LSMEM1: variants seen among roughly 807,000 people sequenced by gnomAD.
The protein encoded by LSMEM1 is leucine rich single-pass membrane protein 1, also known as leucine-rich single-pass membrane protein 1.
Under a neutral mutation model 11.3 loss-of-function variants are expected in LSMEM1, and 10 were observed. That is an observed-to-expected ratio of 0.89 (90% CI 0.55 to 1.50). The LOEUF (loss-of-function observed/expected upper bound fraction) is 1.50. Ranked by LOEUF, LSMEM1 falls within the 40% of genes most tolerant of loss-of-function variation. The pLI is 0.00. For missense variants in LSMEM1, 151 were observed against 152.9 expected, an observed-to-expected ratio of 0.99 and a Z score of 0.06; for synonymous variants, 65 against 59.3, an observed-to-expected ratio of 1.10 and a Z score of -0.44.
chr7:112,487,090 G>A (rs556051251), intron 3 of LSMEM1, 39 bp downstream of exon 3: 5 of 1,603,958 alleles, frequency 3.1e-6, no homozygotes, highest in Non-Finnish European at 4.3e-6. Context: ...TTACTTGTAT[G>A]CATTTATTCA....
chr7:112,490,073 C>A lies in LSMEM1; in HGVS notation c.*124C>A, dbSNP rs10225870. The A allele has an allele frequency of 0.12, 131,999 of 1,081,162 alleles. 9,810 individuals are homozygous for A. The highest frequency in any genetic ancestry group is 0.32 in the African/African-American group (20,658 of 63,784). The allele number at this position is 1,081,162 out of a possible 1,614,324, so 67.0% of individuals were successfully genotyped here. ...ACAGATGATCTGGTCAGGCAACCCA[C>A]CCCTGGGGCCCACTTTCTGCAGCAA... On this transcript the variant is annotated 3_prime_UTR_variant, in exon 4 of 4. Coordinates refer to ENST00000312849, the MANE Select transcript of LSMEM1 (RefSeq NM_182597.3).
At chr7:112,488,526 C>T (rs1796180474) in intron 3 of LSMEM1, among the ~76,000 whole-genome samples, 1 of 152,182 alleles carries the variant, frequency 6.6e-6, no homozygotes, top group Non-Finnish European at 1.5e-5. Flanking sequence ...GTCCCAGACA[C>T]TGTGCTAAGC....
chr7:112,486,787 G>A (rs1039979318), intron 2 of LSMEM1, 136 bp from the exon 3 acceptor site: 37 of 1,244,034 alleles, frequency 3.0e-5, no homozygotes, highest in Non-Finnish European at 3.8e-5. Context: ...AAAAAAAAGA[G>A]TCACTTTCTA....
At chr7:112,480,335 GCTCCAGC>G, upstream of LSMEM1, among the ~76,000 whole-genome samples, 1 of 152,264 alleles carries the variant, frequency 6.6e-6, no homozygotes, top group East Asian at 1.9e-4. Flanking sequence ...ATGCCACTGC[GCTCCAGC>G]CTGGGCAACA....
intron 1 of LSMEM1, among the ~76,000 whole-genome samples, chr7:112,482,597 T>C (rs939942327): frequency 2.6e-5 from 4 of 152,204 alleles, no homozygotes; most frequent in Non-Finnish European, 5.9e-5. Context: ...TATTACTGTT[T>C]GGTCAAATAT....
At chr7:112,484,418 C>A (rs1284387139) in intron 1 of LSMEM1, among the ~76,000 whole-genome samples, 1 of 152,014 alleles carries the variant, frequency 6.6e-6, no homozygotes, top group African/African-American at 2.4e-5. Flanking sequence ...AGGCATCTCA[C>A]CAGAATGTGA....
At chr7:112,485,287 G>T (rs552867120) in intron 2 of LSMEM1, among the ~76,000 whole-genome samples, 1 of 152,132 alleles carries the variant, frequency 6.6e-6, no homozygotes, top group Non-Finnish European at 1.5e-5. Flanking sequence ...TACCGATGGG[G>T]ACCACTTCCC....
At position 112,489,909 on chromosome 7, in the gene LSMEM1, G is replaced by A. The variant is rs761198570; in HGVS notation, c.356G>A (p.Arg119Gln). The A allele has an allele frequency of 1.4e-5, 22 of 1,614,084 alleles. No individual in the cohort carries two copies. Among genetic ancestry groups the A allele is most frequent in the Admixed American group, 8.3e-5 (5 of 60,012 alleles). Residue 119 changes from arginine (R) to glutamine (Q), a missense_variant, in exon 4 of 4, where the codon CGA becomes CAA. Transcript: ENST00000312849. ...LKRINNMIVKRLNQLNQLDSE... is the reference protein window; with the variant it reads ...LKRINNMIVKQLNQLNQLDSE... ...AGAATCAATAACATGATCGTAAAGC[G>A]ACTCAACCAACTCAACCAACTGGAC...
chr7:112,484,898 T>G lies in LSMEM1; in HGVS notation c.82T>G (p.Leu28Val), dbSNP rs761669301. ...KLYVVDSINDLNKLNLCPAGS... is the reference protein window; with the variant it reads ...KLYVVDSINDVNKLNLCPAGS... ...TTATGTGGTGGATTCCATAAATGACTTAAACAAACTAAACCTCTGTCCAGC... is the reference window on the plus strand; with the variant it reads ...TTATGTGGTGGATTCCATAAATGACGTAAACAAACTAAACCTCTGTCCAGC... The change falls in exon 2 of 4, where the codon TTA becomes GTA. Residue 28 changes from leucine to valine, a missense_variant. Coordinates refer to ENST00000312849, the MANE Select transcript of LSMEM1 (RefSeq NM_182597.3). 1 of 1,613,714 alleles carries G rather than the reference T, an allele frequency of 6.2e-7. No individual in the cohort carries two copies. Among genetic ancestry groups the G allele is most frequent in the Non-Finnish European group, 8.5e-7 (1 of 1,179,798 alleles).
rs1215107969 is a variant in LSMEM1 at position 112,490,588 on chromosome 7, C to T, written c.*639C>T. The stretch of plus-strand genomic sequence containing the variant: ...TAATTCAACTAATGTTTATTAAGCT[C>T]CTACTCTGTGCAAATCACTCTACTC... On this transcript the variant is annotated 3_prime_UTR_variant, in exon 4 of 4. Transcript: ENST00000312849. 6.6e-6 allele frequency: 1 copy of T among 152,240 alleles called. No homozygotes were observed. Among genetic ancestry groups the T allele is most frequent in the Non-Finnish European group, 1.5e-5 (1 of 68,110 alleles). 9.4% of individuals were successfully genotyped at this position (152,240 alleles called of 1,614,324 possible).
chr7:112,485,960 G>A (rs1053834122), intron 2 of LSMEM1, among the ~76,000 whole-genome samples: 2 of 150,242 alleles, frequency 1.3e-5, no homozygotes, highest in Admixed American at 6.7e-5. Flanking sequence ...CTTGCAAAAC[G>A]GTGATTAAAT....
chr7:112,483,528 G>A (rs1442490123), intron 1 of LSMEM1: 1 of 152,144 alleles, frequency 6.6e-6, no homozygotes, highest in Non-Finnish European at 1.5e-5. Context: ...AAAGATGTAA[G>A]CAAATAGATG....
chr7:112,480,518 T>G (rs112112419), upstream of LSMEM1, among the ~76,000 whole-genome samples: 2 of 152,224 alleles, frequency 1.3e-5, no homozygotes, highest in Non-Finnish European at 2.9e-5. Flanking sequence ...CCTGCTGAGA[T>G]AGTTGGTCTC....
intron 1 of LSMEM1, among the ~76,000 whole-genome samples, chr7:112,482,511 C>T (rs754614459): frequency 6.6e-6 from 1 of 152,186 alleles, no homozygotes; most frequent in African/African-American, 2.4e-5. Context: ...GCTTCAGTTA[C>T]CACACCTAAA....
At chr7:112,486,314 T>A in intron 2 of LSMEM1, 1 of 438,630 alleles carries the variant, frequency 2.3e-6, no homozygotes, top group Non-Finnish European at 4.6e-6. Flanking sequence ...CTATATTCCC[T>A]CTCCCCACAC....
chr7:112,486,311 C>A (rs764374156), intron 2 of LSMEM1: 9 of 435,566 alleles, frequency 2.1e-5, no homozygotes, highest in African/African-American at 4.1e-5. Flanking sequence ...CTTCTATATT[C>A]CCTCTCCCCA....
chr7:112,488,957 T>G (rs1167635699), intron 3 of LSMEM1, among the ~76,000 whole-genome samples: 1 of 152,274 alleles, frequency 6.6e-6, no homozygotes, highest in Non-Finnish European at 1.5e-5. Flanking sequence ...GATCTATTAA[T>G]GTGCCCAAGG....
At position 112,490,934 on chromosome 7, in the gene LSMEM1, G is replaced by A. The variant is rs956807579; in HGVS notation, c.*985G>A. The A allele has an allele frequency of 1.3e-5, 2 of 152,076 alleles. No individual in the cohort carries two copies. Among genetic ancestry groups the A allele is most frequent in the African/African-American group, 2.4e-5 (1 of 41,392 alleles). The allele number at this position is 152,076 out of a possible 1,614,324, so 9.4% of individuals were successfully genotyped here. A position where few individuals can be genotyped will look rare whatever the true frequency, so the allele number is the denominator to read the frequency against. On this transcript the variant is annotated 3_prime_UTR_variant, in exon 4 of 4. Coordinates refer to ENST00000312849, the MANE Select transcript of LSMEM1 (RefSeq NM_182597.3). ...TTATTTAATATAAAAATATTCTACCGGTCAATTGAAGAATGTATTATGATT... is the reference window on the plus strand; with the variant it reads ...TTATTTAATATAAAAATATTCTACCAGTCAATTGAAGAATGTATTATGATT...
At chr7:112,487,385 G>C (rs1055946290) in intron 3 of LSMEM1, among the ~76,000 whole-genome samples, 2 of 152,222 alleles carry the variant, frequency 1.3e-5, no homozygotes, top group Non-Finnish European at 2.9e-5. Flanking sequence ...CCAATGCCTA[G>C]ATTTCTCCAC....
Sources: gnomAD v4.1 joint callset for allele counts (sites outside exome capture counted in the v4.1 genomes callset) on GRCh38, gnomAD v4.1.1 for gene constraint, MANE v1.5 for transcripts, NCBI Gene and HGNC (gene_info 2026-07-23, HGNC 2026-07-21) for gene names.